The following ZNF710 variants were observed in gnomAD, a reference collection of about 807,000 sequenced individuals.
The protein encoded by ZNF710 is zinc finger protein 710.
In ZNF710, 13 loss-of-function variants were observed where a neutral mutation model predicts 50.6. The observed-to-expected ratio is 0.26, with a 90% CI of 0.17 to 0.41. The LOEUF is 0.41. ZNF710 is among the 10% of genes least tolerant of loss of function. ZNF710 has a pLI of 1.00. For missense variants in ZNF710, 721 were observed against 936.6 expected (o/e 0.77, Z 3.01); for synonymous variants, 383 against 397.0 (o/e 0.96, Z 0.42).
rs145588994 is a variant in ZNF710, at chr15:90,040,707, G to A, written c.-28-26403G>A. ...AAAGCAGCAGGCCCCGCCCCACCTCGCTCCCCAACTCCAGCCCTCCAGCCA... is the reference window on the plus strand; with the variant it reads ...AAAGCAGCAGGCCCCGCCCCACCTCACTCCCCAACTCCAGCCCTCCAGCCA... On this transcript the variant is annotated intron_variant, in intron 1 of 4. Transcript: ENST00000268154. This position sits in a 1 kb window ranked among gnomAD's most constrained non-coding sequence, Gnocchi z 4.6. 9.9e-5 allele frequency among the ~76,000 whole-genome samples: 15 copies of A among 151,432 alleles called. No individual in the cohort carries two copies. Among genetic ancestry groups the A allele is most frequent in the Admixed American group, 7.9e-4 (12 of 15,226 alleles).
chr15:90,029,384 C>T (rs945553653), intron 1 of ZNF710, among the ~76,000 whole-genome samples: 1 of 152,122 alleles, frequency 6.6e-6, no homozygotes, highest in Non-Finnish European at 1.5e-5. Context: ...TTTGACATCA[C>T]CAGGGCAGTT....
chr15:90,067,345 G>T lies in ZNF710; in HGVS notation c.208G>T (p.Ala70Ser). The change falls in exon 2 of 5, where the codon GCC becomes TCC. Residue 70 changes from alanine (A) to serine (S), a missense_variant. Physicochemically the swap from Ala to Ser is moderately conservative, Grantham distance 99. This residue lies in a region of ZNF710 where 326 missense variants were observed against 347.1 expected (regional missense o/e 0.94). Transcript: ENST00000268154. The surrounding 1 kb of genome is among the most constrained non-coding windows in gnomAD (Gnocchi z 8.1). ...EPPGPDVYQLACNGRALEEPA... is the reference protein window; with the variant it reads ...EPPGPDVYQLSCNGRALEEPA... ...ACCAGGCCCCGACGTCTACCAGCTG[G>T]CCTGCAACGGGAGGGCCTTGGAGGA... is the stretch of plus-strand genomic sequence containing the variant. 6.2e-7 allele frequency: 1 copy of T among 1,600,528 alleles called. No individual in the cohort carries two copies. The highest frequency in any genetic ancestry group is 2.3e-5 in the East Asian group (1 of 44,202).
At chr15:90,027,475 G>A (rs1221960343) in intron 1 of ZNF710, among the ~76,000 whole-genome samples, 2 of 152,048 alleles carry the variant, frequency 1.3e-5, no homozygotes, top group Non-Finnish European at 2.9e-5. Flanking sequence ...CTCCCAAAGT[G>A]CTAGGATTAT....
At chr15:90,006,987 G>A (rs143176929) in intron 1 of ZNF710, 6 of 154,074 alleles carry the variant, frequency 3.9e-5, no homozygotes, top group Non-Finnish European at 7.3e-5. Flanking sequence ...CTACCTGCTT[G>A]TTGAGGGTGA....
In ZNF710 at chr15:90,079,760, C is replaced by G; in HGVS notation, c.1926C>G (p.Asp642Glu). 6.2e-7 allele frequency: 1 copy of G among 1,613,440 alleles called. No homozygotes were observed. Among genetic ancestry groups the G allele is most frequent in the Non-Finnish European group, 8.5e-7 (1 of 1,179,800 alleles). The change falls in exon 5 of 5, where the codon GAC becomes GAG. Residue 642 changes from aspartate to glutamate, a missense_variant. Around this residue, in one of 3 missense-constraint regions of ZNF710, gnomAD observed 69 missense variants for 67.6 expected, o/e 1.02. Coordinates refer to ENST00000268154, the MANE Select transcript of ZNF710 (RefSeq NM_198526.4). ...ACGCCTACAGCTATGCGAGCGTGGA[C>G]AGCAGCGCCGAGGCCAGTGTCCTCA... ...EENAYSYASVDSSAEASVLTE... is the reference protein window; with the variant it reads ...EENAYSYASVESSAEASVLTE...
intron 1 of ZNF710, among the ~76,000 whole-genome samples, chr15:90,005,439 G>GT (rs1898115555): frequency 2.6e-5 from 4 of 152,038 alleles, no homozygotes; most frequent in Admixed American, 2.6e-4. Flanking sequence ...AAAACAATAG[G>GT]TTTTTTTAGA....
chr15:90,079,598 T>G, intron 4 of ZNF710, 62 bp from the exon 5 acceptor site: 1 of 1,581,594 alleles, frequency 6.3e-7, no homozygotes, highest in African/African-American at 1.4e-5. Context: ...GCTTCCTGCG[T>G]GGGGGTGACT....
At chr15:90,027,567 T>G (rs1010515755) in intron 1 of ZNF710, among the ~76,000 whole-genome samples, 1 of 152,100 alleles carries the variant, frequency 6.6e-6, no homozygotes, top group Non-Finnish European at 1.5e-5. Context: ...AAATCAAGAT[T>G]TAAATTTGAA....
intron 1 of ZNF710, among the ~76,000 whole-genome samples, chr15:90,021,438 T>C (rs1378605052): frequency 6.6e-6 from 1 of 152,226 alleles, no homozygotes; most frequent in African/African-American, 2.4e-5. Context: ...TGTGTGTTTG[T>C]ATATAACCCA....
At chr15:90,038,217 T>C (rs1199619091) in intron 1 of ZNF710, among the ~76,000 whole-genome samples, 2 of 152,226 alleles carry the variant, frequency 1.3e-5, no homozygotes, top group African/African-American at 4.8e-5. Flanking sequence ...TGCATCACTT[T>C]CATCATGGAG....
chr15:90,072,826 G>A (rs895664509), intron 2 of ZNF710, among the ~76,000 whole-genome samples: 3 of 152,190 alleles, frequency 2.0e-5, no homozygotes, highest in African/African-American at 4.8e-5. Flanking sequence ...TATCTGGATC[G>A]TTACAGTAAA....
chr15:90,074,467 T>G (rs1188187607), intron 4 of ZNF710, 177 bp downstream of exon 4: 2 of 1,531,658 alleles, frequency 1.3e-6, no homozygotes, highest in Admixed American at 2.0e-5. Context: ...CGATGGGATA[T>G]TTATGTCTTC....
chr15:90,071,986 T>G (rs1159693293), intron 2 of ZNF710, among the ~76,000 whole-genome samples: 3 of 152,042 alleles, frequency 2.0e-5, no homozygotes, highest in African/African-American at 7.2e-5. Flanking sequence ...TTTCAAATTT[T>G]AGAGATAGGG....
chr15:90,026,269 CAAA>C (rs777122257), intron 1 of ZNF710, among the ~76,000 whole-genome samples: 2 of 119,180 alleles, frequency 1.7e-5, no homozygotes, highest in African/African-American at 6.5e-5. Flanking sequence ...ACAACAACAA[CAAA>C]AAAAAAAAAG....
At chr15:90,060,106 C>T (rs1899960718) in intron 1 of ZNF710, among the ~76,000 whole-genome samples, 1 of 151,636 alleles carries the variant, frequency 6.6e-6, no homozygotes, top group South Asian at 2.1e-4. Flanking sequence ...CACCCCACCC[C>T]ACCCCCATAC....
At chr15:90,003,880 T>C (rs538840065) in intron 1 of ZNF710, among the ~76,000 whole-genome samples, 1 of 152,204 alleles carries the variant, frequency 6.6e-6, no homozygotes. Context: ...CTTTCCTGCA[T>C]GAGGGCCGTG....
intron 1 of ZNF710, among the ~76,000 whole-genome samples, chr15:90,039,941 A>G (rs1019768679): frequency 1.6e-5 from 2 of 125,404 alleles, no homozygotes; most frequent in Admixed American, 1.8e-4. Flanking sequence ...CAACTTTTTC[A>G]TATGCTCTGC....
Position 90,079,710 on chromosome 15 carries a change from CAGGAGATGG to C in ZNF710, c.1881_1889del (p.Glu627_Glu629del). 1 of 1,613,944 alleles carries C rather than the reference CAGGAGATGG, an allele frequency of 6.2e-7. No individual in the cohort carries two copies. The highest frequency in any genetic ancestry group is 1.7e-5 in the Admixed American group (1 of 59,972). On this transcript the variant is annotated inframe_deletion, in exon 5 of 5. Transcript: ENST00000268154. ...TGACCCTTCAGAGCTCGACGGCCAGCAGGAGATGGAGGACTTCGAGGAGAACGCCTACAG... is the reference window on the plus strand; with the variant it reads ...TGACCCTTCAGAGCTCGACGGCCAGCAGGACTTCGAGGAGAACGCCTACAG...
In ZNF710 at chr15:90,059,681, G is replaced by C. The variant is rs1329784347; in HGVS notation, c.-28-7429G>C. ...CCTGGGCCTCTGGCTCCTGAGGCCT[G>C]TGGGCTGGGCAGAAGTGAGACTGTG... is the stretch of plus-strand genomic sequence containing the variant. On this transcript the variant is annotated intron_variant, in intron 1 of 4. Transcript: ENST00000268154. The surrounding 1 kb of genome is among the most constrained non-coding windows in gnomAD (Gnocchi z 4.1). 4.6e-5 allele frequency among the ~76,000 whole-genome samples: 7 copies of C among 152,228 alleles called. No individual in the cohort carries two copies. The highest frequency in any genetic ancestry group is 1.4e-4 in the African/African-American group (6 of 41,468).
Sources: allele counts gnomAD v4.1 joint callset (sites outside exome capture counted in the v4.1 genomes callset), GRCh38; gene constraint gnomAD v4.1.1; regional missense constraint gnomAD v4.1.1; non-coding constraint Gnocchi (gnomAD v3.1); transcripts MANE v1.5; gene names NCBI Gene and HGNC (gene_info 2026-07-23, HGNC 2026-07-21).